ZNRF1: variants seen among roughly 807,000 people sequenced by gnomAD.
ZNRF1 encodes zinc and ring finger 1, also known as E3 ubiquitin-protein ligase ZNRF1.
Under a neutral mutation model 18.4 loss-of-function variants are expected in ZNRF1, and 3 were observed. That is an observed-to-expected ratio of 0.16 (90% CI 0.07 to 0.42). The LOEUF (loss-of-function observed/expected upper bound fraction) is 0.42. Ranked by LOEUF, ZNRF1 falls within the 10% of genes least tolerant of loss-of-function variation. The pLI, the probability that ZNRF1 is intolerant of heterozygous loss-of-function variation, is 0.99. For synonymous variants in ZNRF1, 157 were observed against 144.2 expected (o/e 1.09, Z -0.64); for missense variants, 310 against 329.8 (o/e 0.94, Z 0.47).
intron 1 of ZNRF1, among the ~76,000 whole-genome samples, chr16:75,062,278 G>T (rs1335744565): frequency 6.6e-6 from 1 of 152,216 alleles, no homozygotes; most frequent in Non-Finnish European, 1.5e-5. Flanking sequence ...GTGGAGCACA[G>T]CCCCGGGAGA....
chr16:75,069,877 CT>C (rs1284762844), intron 1 of ZNRF1, among the ~76,000 whole-genome samples: 2 of 152,204 alleles, frequency 1.3e-5, no homozygotes, highest in African/African-American at 4.8e-5. Flanking sequence ...ATCTTCACCC[CT>C]GCCCCCTTTC....
intron 1 of ZNRF1, among the ~76,000 whole-genome samples, chr16:75,012,610 T>C (rs561296395): frequency 2.0e-4 from 30 of 152,174 alleles, no homozygotes; most frequent in Middle Eastern, 3.2e-3. Flanking sequence ...AAATGAAACA[T>C]TTAGGGATAC....
intron 1 of ZNRF1, among the ~76,000 whole-genome samples, chr16:75,020,757 A>T (rs974710071): frequency 1.3e-5 from 2 of 151,970 alleles, no homozygotes; most frequent in African/African-American, 4.8e-5. Context: ...TTAGCCAGGA[A>T]GGTCTCGATC....
At position 75,010,694 on chromosome 16, in the gene ZNRF1, C is replaced by G. The variant is rs1312201694; in HGVS notation, c.424+10599C>G. 2.9e-5 allele frequency among the ~76,000 whole-genome samples: 4 copies of G among 136,006 alleles called. No homozygotes were observed. In the Admixed American group the frequency reaches 3.1e-4, roughly 11 times the overall value. The allele number at this position is 136,006 out of a possible 152,430, so 89.2% of individuals were successfully genotyped here. A position where few individuals can be genotyped will look rare whatever the true frequency, so the allele number is the denominator to read the frequency against. ...TGTTCTGAAATTAGTCACCTCTGTACTGTACTGTTTTTTTTTGTTTTTTTG... is the reference window on the plus strand; with the variant it reads ...TGTTCTGAAATTAGTCACCTCTGTAGTGTACTGTTTTTTTTTGTTTTTTTG... On this transcript the variant is annotated intron_variant, in intron 1 of 4. Transcript: ENST00000335325.
chr16:75,046,105 T>C (rs926153063), intron 1 of ZNRF1, among the ~76,000 whole-genome samples: 1 of 151,642 alleles, frequency 6.6e-6, no homozygotes, highest in Non-Finnish European at 1.5e-5. Context: ...GGTTTCACCA[T>C]GTTAACCAGG....
chr16:75,093,699 G>C, intron 2 of ZNRF1, 32 bp downstream of exon 2: 1 of 1,585,808 alleles, frequency 6.3e-7, no homozygotes, highest in Non-Finnish European at 8.7e-7. Flanking sequence ...CCAGCCTCCA[G>C]AGCATCCGTC....
intron 1 of ZNRF1, among the ~76,000 whole-genome samples, chr16:75,058,490 A>G (rs1326206688): frequency 1.3e-5 from 2 of 152,202 alleles, no homozygotes; most frequent in East Asian, 3.8e-4. Flanking sequence ...AAGGAGAATA[A>G]CAGAGTAGCC....
intron 1 of ZNRF1, among the ~76,000 whole-genome samples, chr16:75,002,921 C>T (rs1028604738): frequency 4.6e-5 from 7 of 152,164 alleles, no homozygotes; most frequent in African/African-American, 9.7e-5. Context: ...TTGGCCCCTC[C>T]GGTTATTCTC....
chr16:75,003,305 A>C lies in ZNRF1; in HGVS notation c.424+3210A>C, dbSNP rs1486546581. ...CACTTTGTAAGTATTTTATCTGTTT[A>C]CTTTTTTCTGTGTATGGTTTGCCTA... On this transcript the variant is annotated intron_variant, in intron 1 of 4. Coordinates refer to ENST00000335325, the MANE Select transcript of ZNRF1 (RefSeq NM_032268.5). Among the ~76,000 whole-genome samples, 5 of 152,158 alleles carry C rather than the reference A, an allele frequency of 3.3e-5. No homozygotes were observed. In the East Asian group the frequency reaches 9.6e-4, roughly 29 times the overall value.
In ZNRF1 at chr16:75,023,358, A is replaced by G. The variant is rs116401073; in HGVS notation, c.424+23263A>G. ...TTCTTTAAATAAAGCATCATTTAACAGTGACTGGACTCCAGATACACCAAG... is the reference window on the plus strand; with the variant it reads ...TTCTTTAAATAAAGCATCATTTAACGGTGACTGGACTCCAGATACACCAAG... On this transcript the variant is annotated intron_variant, in intron 1 of 4. Transcript: ENST00000335325. Among the ~76,000 whole-genome samples the G allele has an allele frequency of 1.6e-3, 238 of 152,282 alleles. 1 individual carries two copies. Among genetic ancestry groups the G allele is most frequent in the African/African-American group, 5.6e-3 (233 of 41,558 alleles).
At chr16:75,098,109 G>C (rs931076176) in intron 2 of ZNRF1, among the ~76,000 whole-genome samples, 1 of 152,250 alleles carries the variant, frequency 6.6e-6, no homozygotes, top group Non-Finnish European at 1.5e-5. Context: ...GGAGGTGTCT[G>C]TCCTGTTACT....
intron 1 of ZNRF1, among the ~76,000 whole-genome samples, chr16:75,088,508 A>G (rs745603725): frequency 3.9e-5 from 6 of 152,176 alleles, no homozygotes; most frequent in Non-Finnish European, 7.4e-5. Context: ...ACTTAAGGAG[A>G]AATTGCTGGG....
chr16:75,025,644 C>A (rs1193989428), intron 1 of ZNRF1, among the ~76,000 whole-genome samples: 2 of 152,172 alleles, frequency 1.3e-5, no homozygotes, highest in African/African-American at 2.4e-5. Flanking sequence ...AAGAGCTCGA[C>A]CCCCACTGCA....
At chr16:75,068,190 A>T (rs2035827466) in intron 1 of ZNRF1, among the ~76,000 whole-genome samples, 1 of 7,290 alleles carries the variant, frequency 1.4e-4, no homozygotes, top group East Asian at 0.045. Context: ...CCTTGTCTTA[A>T]AAAAAAAAAA....
chr16:75,043,563 T>C (rs529611844), intron 1 of ZNRF1, among the ~76,000 whole-genome samples: 1 of 152,240 alleles, frequency 6.6e-6, no homozygotes, highest in East Asian at 1.9e-4. Flanking sequence ...CTATAATATA[T>C]GCAAGGAATC....
chr16:75,030,699 A>T (rs1259362848), intron 1 of ZNRF1, among the ~76,000 whole-genome samples: 1 of 152,284 alleles, frequency 6.6e-6, no homozygotes, highest in East Asian at 1.9e-4. Context: ...CTTTCTGCCT[A>T]TGTAAACTTG....
rs553621335 is a variant in ZNRF1 at position 75,046,866 on chromosome 16, A to G, written c.425-46706A>G. 2.8e-3 allele frequency: 439 copies of G among 154,268 alleles called. 2 individuals carry two copies. Among genetic ancestry groups the G allele is most frequent in the Non-Finnish European group, 4.8e-3 (329 of 68,074 alleles). 9.6% of individuals were successfully genotyped at this position (154,268 alleles called of 1,614,324 possible). Reference sequence around the variant, plus strand: ...GCTGGGATTACAGGTGTGAGCCACCACGCCCGGAATGAAGTATTTCAGGTA... The same window carrying G: ...GCTGGGATTACAGGTGTGAGCCACCGCGCCCGGAATGAAGTATTTCAGGTA... On this transcript the variant is annotated intron_variant, in intron 1 of 4. Transcript: ENST00000335325.
At chr16:75,096,618 G>A (rs542306976) in intron 2 of ZNRF1, among the ~76,000 whole-genome samples, 1 of 152,120 alleles carries the variant, frequency 6.6e-6, no homozygotes, top group Non-Finnish European at 1.5e-5. Flanking sequence ...AGAACTCCTG[G>A]TCACTCCCCT....
intron 1 of ZNRF1, among the ~76,000 whole-genome samples, chr16:75,005,971 A>C (rs894300980): frequency 6.6e-6 from 1 of 152,154 alleles, no homozygotes; most frequent in Non-Finnish European, 1.5e-5. Flanking sequence ...TAGTGCTCCT[A>C]GGCTACAAAC....
Sources: gnomAD v4.1 joint callset for allele counts (sites outside exome capture counted in the v4.1 genomes callset) on GRCh38, gnomAD v4.1.1 for gene constraint, MANE v1.5 for transcripts, NCBI Gene and HGNC (gene_info 2026-07-23, HGNC 2026-07-21) for gene names.